The following EPHA6 variants were observed in gnomAD, a reference collection of about 807,000 sequenced individuals.
EPHA6 encodes ephrin type-A receptor 6.
In EPHA6, 50 loss-of-function variants were observed where a neutral mutation model predicts 112.0. The observed-to-expected ratio is 0.45, with a 90% CI of 0.36 to 0.56. The LOEUF (loss-of-function observed/expected upper bound fraction) is 0.56, where lower values mean the gene tolerates loss of function less well. EPHA6 is among the 20% of genes least tolerant of loss of function. EPHA6 has a pLI of 0.00. For synonymous variants in EPHA6, 529 were observed against 490.7 expected (o/e 1.08, Z -1.03); for missense variants, 1,280 against 1,417.4 (o/e 0.90, Z 1.56).
At chr3:97,680,134 C>G (rs2031740785) in intron 14 of EPHA6, among the ~76,000 whole-genome samples, 1 of 152,170 alleles carries the variant, frequency 6.6e-6, no homozygotes, top group Admixed American at 6.5e-5. Context: ...CCCTTTCCTT[C>G]TATCCTGCTC....
At chr3:97,080,896 G>C (rs2046699478) in intron 3 of EPHA6, among the ~76,000 whole-genome samples, 1 of 151,846 alleles carries the variant, frequency 6.6e-6, no homozygotes, top group African/African-American at 2.4e-5. Flanking sequence ...ATAGACATAT[G>C]CTTATATACT....
chr3:97,388,106 G>T (rs907778412), intron 5 of EPHA6, among the ~76,000 whole-genome samples: 2 of 152,146 alleles, frequency 1.3e-5, no homozygotes, highest in African/African-American at 4.8e-5. Flanking sequence ...TCAAGGATTA[G>T]AGTTCAACAT....
chr3:97,711,151 A>C (rs572359266), intron 14 of EPHA6, among the ~76,000 whole-genome samples: 176 of 152,192 alleles, frequency 1.2e-3, no homozygotes, highest in African/African-American at 4.1e-3. Context: ...TTGGCTTCAC[A>C]AGATCTGATG....
intron 2 of EPHA6, among the ~76,000 whole-genome samples, chr3:96,884,754 T>C (rs1468386801): frequency 6.6e-6 from 1 of 152,168 alleles, no homozygotes; most frequent in East Asian, 1.9e-4. Flanking sequence ...GGAGTTCCAG[T>C]ACTATGTTGA....
At chr3:96,821,182 A>C (rs2107219145) in intron 1 of EPHA6, among the ~76,000 whole-genome samples, 1 of 152,046 alleles carries the variant, frequency 6.6e-6, no homozygotes, top group South Asian at 2.1e-4. Context: ...ATTTTATATG[A>C]CCAGTCAATT....
intron 1 of EPHA6, among the ~76,000 whole-genome samples, chr3:96,851,234 T>C (rs1256330636): frequency 2.6e-5 from 4 of 152,150 alleles, no homozygotes; most frequent in African/African-American, 9.6e-5. Flanking sequence ...AAGAAGGTTA[T>C]TTTATATTAT....
At chr3:97,342,166 T>A (rs1003121542) in intron 5 of EPHA6, among the ~76,000 whole-genome samples, 2 of 152,236 alleles carry the variant, frequency 1.3e-5, no homozygotes, top group African/African-American at 4.8e-5. Flanking sequence ...TTCATAGCCC[T>A]GTCTTCACAG....
intron 3 of EPHA6, among the ~76,000 whole-genome samples, chr3:97,178,965 G>C (rs573162682): frequency 3.3e-5 from 5 of 151,820 alleles, no homozygotes; most frequent in African/African-American, 1.2e-4. Flanking sequence ...TTCTCTTTAA[G>C]GCCAATAACT....
intron 3 of EPHA6, among the ~76,000 whole-genome samples, chr3:97,065,780 T>G (rs371543091): frequency 5.9e-5 from 9 of 152,202 alleles, no homozygotes; most frequent in East Asian, 1.9e-4. Context: ...AATTTTGTAT[T>G]AACTGTCTTC....
intron 14 of EPHA6, among the ~76,000 whole-genome samples, chr3:97,684,150 C>T (rs368843025): frequency 6.6e-6 from 1 of 152,132 alleles, no homozygotes; most frequent in African/African-American, 2.4e-5. Flanking sequence ...ATGGATGCTA[C>T]TTTATATCCA....
intron 5 of EPHA6, among the ~76,000 whole-genome samples, chr3:97,279,609 A>G (rs1170648401): frequency 6.6e-6 from 1 of 152,190 alleles, no homozygotes; most frequent in Non-Finnish European, 1.5e-5. Flanking sequence ...GTTACACAAT[A>G]CATCATAGGC....
At chr3:97,168,187 A>C (rs941110914) in intron 3 of EPHA6, among the ~76,000 whole-genome samples, 6 of 152,108 alleles carry the variant, frequency 3.9e-5, no homozygotes, top group Non-Finnish European at 7.3e-5. Flanking sequence ...TAAAATAATT[A>C]ATTTTTTTAC....
At chr3:97,123,316 G>A (rs1334640111) in intron 3 of EPHA6, among the ~76,000 whole-genome samples, 2 of 151,992 alleles carry the variant, frequency 1.3e-5, no homozygotes, top group African/African-American at 2.4e-5. Context: ...TCATGTATAC[G>A]ATAGCCTAGT....
intron 5 of EPHA6, among the ~76,000 whole-genome samples, chr3:97,273,149 AAG>A (rs975490053): frequency 2.6e-5 from 4 of 152,180 alleles, no homozygotes; most frequent in Non-Finnish European, 4.4e-5. Context: ...TAAACAGAAT[AAG>A]AGAAGGAGAA....
chr3:97,060,830 A>G (rs1031150359), intron 3 of EPHA6, among the ~76,000 whole-genome samples: 2 of 147,044 alleles, frequency 1.4e-5, no homozygotes, highest in Admixed American at 1.4e-4. Flanking sequence ...AGGCTGAGGC[A>G]GGAGAATGGC....
intron 3 of EPHA6, chr3:97,010,170 G>A: frequency 1.6e-5 from 16 of 1,011,800 alleles, no homozygotes; most frequent in Non-Finnish European, 2.1e-5. Flanking sequence ...TTTTCATTAA[G>A]AAGACATTGT....
At chr3:97,004,913 A>ATCT (rs2043817150) in intron 3 of EPHA6, among the ~76,000 whole-genome samples, 7 of 152,324 alleles carry the variant, frequency 4.6e-5, no homozygotes, top group Non-Finnish European at 8.8e-5. Context: ...GTCAAGGATC[A>ATCT]GATGGTTGTA....
At chr3:97,695,072 A>T (rs548803373) in intron 14 of EPHA6, among the ~76,000 whole-genome samples, 9 of 152,330 alleles carry the variant, frequency 5.9e-5, no homozygotes, top group African/African-American at 1.7e-4. Context: ...TCCCCAGAGC[A>T]AAGGTACATG....
intron 13 of EPHA6, among the ~76,000 whole-genome samples, chr3:97,628,712 A>T (rs1032477232): frequency 2.0e-5 from 3 of 152,002 alleles, no homozygotes; most frequent in Non-Finnish European, 4.4e-5. Flanking sequence ...TCTTTTAAAT[A>T]TTTATGTACT....
Sources: gnomAD v4.1 joint callset for allele counts (sites outside exome capture counted in the v4.1 genomes callset) on GRCh38, gnomAD v4.1.1 for gene constraint, MANE v1.5 for transcripts, NCBI Gene and HGNC (gene_info 2026-07-23, HGNC 2026-07-21) for gene names.